The following LDB3 variants were observed in gnomAD, a reference collection of about 807,000 sequenced individuals.
LDB3 encodes the protein LIM domain-binding protein 3.
Under a neutral mutation model 69.0 loss-of-function variants are expected in LDB3, and 49 were observed. The ratio of observed to expected loss-of-function variants is 0.71; its 90% confidence interval spans 0.56 to 0.90. The LOEUF (loss-of-function observed/expected upper bound fraction) is 0.90, where lower values mean the gene tolerates loss of function less well. LDB3 is among the 40% of genes least tolerant of loss of function. LDB3 has a pLI of 0.00. For missense variants in LDB3, 928 were observed against 974.1 expected, an observed-to-expected ratio of 0.95 and a Z score of 0.63; for synonymous variants, 387 against 396.2, an observed-to-expected ratio of 0.98 and a Z score of 0.28.
chr10:86,710,482 CG>C (rs903696606), intron 9 of LDB3, among the ~76,000 whole-genome samples: 1 of 152,110 alleles, frequency 6.6e-6, no homozygotes, highest in African/African-American at 2.4e-5. Context: ...CCCAGCTACT[CG>C]GGAGGCTGAG....
intron 2 of LDB3, among the ~76,000 whole-genome samples, chr10:86,673,964 C>T (rs530191418): frequency 2.6e-5 from 4 of 152,320 alleles, no homozygotes; most frequent in Non-Finnish European, 5.9e-5. Context: ...CTGGTGCCTT[C>T]TTTCCCCTGG....
At chr10:86,722,559 C>CTTTTTT (rs1181539611) in intron 12 of LDB3, among the ~76,000 whole-genome samples, 15 of 55,270 alleles carry the variant, frequency 2.7e-4, no homozygotes, top group Non-Finnish European at 3.6e-4. Context: ...CGTGCCTGGC[C>CTTTTTT]TTTTTTTTTT....
intron 5 of LDB3, among the ~76,000 whole-genome samples, chr10:86,691,624 C>T (rs1377704606): frequency 3.3e-5 from 5 of 152,074 alleles, no homozygotes; most frequent in Non-Finnish European, 7.4e-5. Flanking sequence ...ATGTCTCCGG[C>T]CTAGGCCTGG....
At chr10:86,692,467 C>A in intron 6 of LDB3, 68 bp from the exon 7 acceptor site, 1 of 1,517,246 alleles carries the variant, frequency 6.6e-7, no homozygotes, top group Non-Finnish European at 9.2e-7. Flanking sequence ...TCAGTGCCCA[C>A]AGAGCCCCAG....
chr10:86,710,266 G>C, intron 9 of LDB3: 3 of 985,328 alleles, frequency 3.0e-6, no homozygotes, highest in Non-Finnish European at 3.6e-6. Flanking sequence ...AGCGGTGGAT[G>C]ATTCTAAGGG....
intron 7 of LDB3, among the ~76,000 whole-genome samples, chr10:86,695,745 C>T (rs1845967124): frequency 6.6e-6 from 1 of 152,144 alleles, no homozygotes; most frequent in Non-Finnish European, 1.5e-5. Flanking sequence ...AAAGGCATTC[C>T]AGGGCCCTGA....
At position 86,716,619 on chromosome 10, in the gene LDB3, C is replaced by T; in HGVS notation, c.1524C>T (p.Ser508=). The T allele has an allele frequency of 1.2e-6, 2 of 1,614,002 alleles. No individual in the cohort carries two copies. The highest frequency in any genetic ancestry group is 1.7e-6 in the Non-Finnish European group (2 of 1,179,974). The change falls in exon 10 of 14, where the codon TCC becomes TCT. Residue 508 remains serine (S), a synonymous_variant. Coordinates refer to ENST00000361373, the MANE Select transcript of LDB3 (RefSeq NM_007078.3). ...TTGCCCCGGGCAAGAGCACCACCTCCATCAGCAAGCAGACCCTGCCCCGGG... is the reference window on the plus strand; with the variant it reads ...TTGCCCCGGGCAAGAGCACCACCTCTATCAGCAAGCAGACCCTGCCCCGGG... ...QKFAPGKSTT[S]ISKQTLPRGG...
intron 7 of LDB3, among the ~76,000 whole-genome samples, chr10:86,705,911 C>T (rs1846421190): frequency 6.6e-6 from 1 of 152,188 alleles, no homozygotes; most frequent in Non-Finnish European, 1.5e-5. Flanking sequence ...TGAAAAGGGG[C>T]ACAGGGGCTT....
chr10:86,693,776 G>A (rs763902080), intron 7 of LDB3, among the ~76,000 whole-genome samples: 1 of 152,184 alleles, frequency 6.6e-6, no homozygotes, highest in Non-Finnish European at 1.5e-5. Flanking sequence ...CTCCCCTCCC[G>A]CTGTGCTCCG....
intron 12 of LDB3, among the ~76,000 whole-genome samples, chr10:86,725,451 T>C (rs1847221135): frequency 6.6e-6 from 1 of 152,228 alleles, no homozygotes; most frequent in South Asian, 2.1e-4. Flanking sequence ...ATATATGTTT[T>C]GGATATTGAC....
chr10:86,709,470 C>T (rs966164015), intron 8 of LDB3, among the ~76,000 whole-genome samples: 4 of 152,202 alleles, frequency 2.6e-5, no homozygotes, highest in African/African-American at 9.7e-5. Context: ...AAACCTGAGA[C>T]TTTGCTGTTC....
At chr10:86,730,535 T>C (rs973698765) in intron 13 of LDB3, among the ~76,000 whole-genome samples, 22 of 152,272 alleles carry the variant, frequency 1.4e-4, no homozygotes, top group African/African-American at 5.1e-4. Context: ...GTAAACACAG[T>C]CCCTTTCTTC....
chr10:86,706,468 G>C, intron 7 of LDB3, 63 bp from the exon 8 acceptor site: 1 of 1,561,380 alleles, frequency 6.4e-7, no homozygotes, highest in Non-Finnish European at 8.8e-7. Flanking sequence ...CCCCCATGCA[G>C]AGGGGCCTCA....
At chr10:86,707,483 G>A (rs533282425) in intron 8 of LDB3, among the ~76,000 whole-genome samples, 1 of 152,106 alleles carries the variant, frequency 6.6e-6, no homozygotes. Context: ...AAGGCCAGGG[G>A]AGAAGAGCGA....
intron 13 of LDB3, among the ~76,000 whole-genome samples, chr10:86,729,992 T>TTAAA (rs1847398631): frequency 1.3e-5 from 2 of 152,180 alleles, no homozygotes; most frequent in Non-Finnish European, 2.9e-5. Context: ...TGCATAGTCT[T>TTAAA]TAAATTGTCA....
intron 5 of LDB3, among the ~76,000 whole-genome samples, chr10:86,685,905 C>A (rs367999473): frequency 3.3e-5 from 5 of 152,202 alleles, no homozygotes; most frequent in African/African-American, 7.2e-5. Context: ...GGGGCTCCAT[C>A]CGATGGTTCT....
At chr10:86,668,343 T>A, upstream of LDB3, 1 of 382,644 alleles carries the variant, frequency 2.6e-6, no homozygotes, top group Non-Finnish European at 5.0e-6. Flanking sequence ...TCCTCCCCCC[T>A]GGGGGGTGCT....
chr10:86,671,199 A>G (rs1844452585), intron 2 of LDB3, among the ~76,000 whole-genome samples: 1 of 152,234 alleles, frequency 6.6e-6, no homozygotes, highest in Non-Finnish European at 1.5e-5. Context: ...GTCTGCTCAC[A>G]GGACAGGGAT....
Position 86,699,327 on chromosome 10 carries a change from A to G in LDB3, c.896+6756A>G, listed in dbSNP as rs1846154621. On this transcript the variant is annotated intron_variant, in intron 7 of 13. Transcript: ENST00000361373. This position sits in a 1 kb window ranked among gnomAD's most constrained non-coding sequence, Gnocchi z 4.9. ...CAGCCCACGTTTTGCCAAATTGCGCAACTGGCACCATGGCCTTTCAGCCCA... is the reference window on the plus strand; with the variant it reads ...CAGCCCACGTTTTGCCAAATTGCGCGACTGGCACCATGGCCTTTCAGCCCA... 6.2e-7 allele frequency: 1 copy of G among 1,613,686 alleles called. No individual in the cohort carries two copies. The highest frequency in any genetic ancestry group is 8.5e-7 in the Non-Finnish European group (1 of 1,179,972).
Sources: gnomAD v4.1 joint callset for allele counts (sites outside exome capture counted in the v4.1 genomes callset) on GRCh38, gnomAD v4.1.1 for gene constraint, Gnocchi (gnomAD v3.1) non-coding constraint, MANE v1.5 for transcripts, NCBI Gene and HGNC (gene_info 2026-07-23, HGNC 2026-07-21) for gene names.